KIF7: variants seen among roughly 807,000 people sequenced by gnomAD.
KIF7 encodes the protein kinesin-like protein KIF7.
In KIF7, 104 loss-of-function variants were observed where a neutral mutation model predicts 135.7. That is an observed-to-expected ratio of 0.77 (90% CI 0.65 to 0.90). The LOEUF (loss-of-function observed/expected upper bound fraction) is 0.90, where lower values mean the gene tolerates loss of function less well. KIF7 is among the 40% of genes least tolerant of loss of function. The pLI is 0.00. For missense variants in KIF7, 2,005 were observed against 1,839.1 expected, an observed-to-expected ratio of 1.09 and a Z score of -1.65; for synonymous variants, 883 against 809.4, an observed-to-expected ratio of 1.09 and a Z score of -1.54.
At chr15:89,631,066 T>C (rs916635671) in intron 15 of KIF7, 20 of 229,826 alleles carry the variant, frequency 8.7e-5, no homozygotes, top group African/African-American at 4.3e-4. Context: ...AGCACCATTG[T>C]TGTATGAGCT....
At chr15:89,645,248 T>C in intron 9 of KIF7, 83 bp from the exon 10 acceptor site, 1 of 1,599,328 alleles carries the variant, frequency 6.3e-7, no homozygotes, top group Admixed American at 1.7e-5. Context: ...CTGCCAGGGA[T>C]GGTGGGTGGG....
rs1351864265 is a variant in KIF7 at position 89,645,971 on chromosome 15, A to G, written c.1844T>C (p.Leu615Pro). 1 of 1,613,772 alleles carries G rather than the reference A, an allele frequency of 6.2e-7. No homozygotes were observed. ...GAELLTEVNRLGSGSSAASEE... is the reference protein window; with the variant it reads ...GAELLTEVNRPGSGSSAASEE... ...TGAAGCAGCTGAAGAGCCACTTCCC[A>G]GCCTGTTCACCTCAGTCAGCAACTC... The change falls in exon 8 of 19, where the codon CTG becomes CCG. Residue 615 changes from leucine (L) to proline (P), a missense_variant. By Grantham distance (98) the Leu-to-Pro change is moderately conservative. Coordinates refer to ENST00000394412, the MANE Select transcript of KIF7 (RefSeq NM_198525.3).
At chr15:89,647,987 C>T (rs1964046398) in intron 5 of KIF7, among the ~76,000 whole-genome samples, 1 of 152,160 alleles carries the variant, frequency 6.6e-6, no homozygotes, top group African/African-American at 2.4e-5. Flanking sequence ...CACCGGCATG[C>T]TAGGCACATG....
rs1338323512 is a variant in KIF7 at position 89,648,639 on chromosome 15, G to T, written c.1059C>A (p.Ala353=). The T allele has an allele frequency of 1.3e-6, 2 of 1,535,610 alleles. No individual in the cohort carries two copies. The highest frequency in any genetic ancestry group is 8.7e-7 in the Non-Finnish European group (1 of 1,146,182). The part of the protein sequence containing the change: ...ASRAQNIRNR[A]TVNWRPEAER... ...CGGCCTCGGGCCGCCAGTTGACCGT[G>T]GCGCGGTTGCGGATGTTCTGGGCGC... is the stretch of plus-strand genomic sequence containing the variant. Residue 353 remains alanine (A), a synonymous_variant, in exon 5 of 19, where the codon GCC becomes GCA. Coordinates refer to ENST00000394412, the MANE Select transcript of KIF7 (RefSeq NM_198525.3).
chr15:89,638,401 A>G, intron 11 of KIF7, among the ~76,000 whole-genome samples: 1 of 148,920 alleles, frequency 6.7e-6, no homozygotes, highest in Non-Finnish European at 1.5e-5. Flanking sequence ...AGAAAACCCC[A>G]TTGTCTCAGC....
chr15:89,639,293 G>T (rs1436309857), intron 11 of KIF7, among the ~76,000 whole-genome samples: 8 of 151,864 alleles, frequency 5.3e-5, no homozygotes. Context: ...CGACAAATGG[G>T]ATCTAATTAA....
intron 1 of KIF7, among the ~76,000 whole-genome samples, chr15:89,622,547 T>C (rs1006550703): frequency 3.3e-5 from 5 of 152,196 alleles, no homozygotes; most frequent in Non-Finnish European, 5.9e-5. Flanking sequence ...ATAATCACCT[T>C]TGTTTGGAAA....
At chr15:89,659,122 C>T (rs1020196756), upstream of KIF7, among the ~76,000 whole-genome samples, 1 of 151,738 alleles carries the variant, frequency 6.6e-6, no homozygotes, top group Non-Finnish European at 1.5e-5. Flanking sequence ...AAAGGATGAA[C>T]AAAGAAACCA....
At chr15:89,657,739 T>A (rs776000628), upstream of KIF7, among the ~76,000 whole-genome samples, 2 of 152,294 alleles carry the variant, frequency 1.3e-5, no homozygotes, top group Non-Finnish European at 2.9e-5. Context: ...ACTTGTGACA[T>A]CATGAGCTTC....
intron 1 of KIF7, among the ~76,000 whole-genome samples, chr15:89,620,944 G>C (rs559394403): frequency 1.3e-5 from 2 of 151,292 alleles, no homozygotes; most frequent in African/African-American, 4.9e-5. Flanking sequence ...GGATAGTCTC[G>C]ATCTCCGACT....
intron 10 of KIF7, 129 bp from the exon 11 acceptor site, chr15:89,642,534 T>C: frequency 1.6e-6 from 1 of 625,744 alleles, no homozygotes; most frequent in East Asian, 2.8e-5. Flanking sequence ...GCACCACCAG[T>C]ACCACAGTTT....
chr15:89,650,006 G>A (rs763131890), intron 2 of KIF7, 65 bp from the exon 3 acceptor site: 24 of 1,475,376 alleles, frequency 1.6e-5, no homozygotes. Flanking sequence ...CCCAGGCCCG[G>A]AAGCTCATAG....
Position 89,630,343 on chromosome 15 carries a change from G to A in KIF7, c.3262C>T (p.Leu1088Phe), listed in dbSNP as rs765207161. The change falls in exon 16 of 19, where the codon CTC becomes TTC. Residue 1088 changes from leucine (L) to phenylalanine (F), a missense_variant. Physicochemically the swap from Leu to Phe is conservative, Grantham distance 22. Transcript: ENST00000394412. Reference sequence around the variant, plus strand: ...GTCTCTGAGGATGAGAGGTAGCTGAGCTTGGCCATGAGGTTCATCTCGCAC... The same window carrying A: ...GTCTCTGAGGATGAGAGGTAGCTGAACTTGGCCATGAGGTTCATCTCGCAC... The part of the protein sequence containing the change: ...SQCEMNLMAK[L>F]SYLSSSETRA... 1 of 1,614,188 alleles carries A rather than the reference G, an allele frequency of 6.2e-7. No individual in the cohort carries two copies. The highest frequency in any genetic ancestry group is 8.5e-7 in the Non-Finnish European group (1 of 1,180,034).
Position 89,648,264 on chromosome 15 carries a change from G to A in KIF7, c.1434C>T (p.Gly478=). The change falls in exon 5 of 19, where the codon GGC becomes GGT. Residue 478 remains glycine (G), a synonymous_variant. Coordinates refer to ENST00000394412, the MANE Select transcript of KIF7 (RefSeq NM_198525.3). The part of the protein sequence containing the change: ...SVEDQAAQGA[G]GRKEDEGAQQ... ...CCTGTCCCTCGGCCACCTTTCGCCC[G>A]CCGGCCCCCTGCGCCGCCTGGTCCT... 1 of 1,516,196 alleles carries A rather than the reference G, an allele frequency of 6.6e-7. No individual in the cohort carries two copies. Among genetic ancestry groups the A allele is most frequent in the Non-Finnish European group, 8.8e-7 (1 of 1,134,906 alleles). 93.9% of individuals were successfully genotyped at this position (1,516,196 alleles called of 1,614,324 possible). A position where few individuals can be genotyped will look rare whatever the true frequency, so the allele number is the denominator to read the frequency against.
chr15:89,644,962 C>G lies in KIF7; in HGVS notation c.2191+51G>C, dbSNP rs377474682. 456 of 1,600,796 alleles carry G rather than the reference C, an allele frequency of 2.8e-4. No individual in the cohort carries two copies. In the African/African-American group the frequency reaches 5.5e-3, roughly 19 times the overall value. On this transcript the variant is annotated intron_variant, in intron 10 of 18. Coordinates refer to ENST00000394412, the MANE Select transcript of KIF7 (RefSeq NM_198525.3). ...TCCCTCTAGAACAGTGCAGAAGTAA[C>G]GATGAGAAGTCCCCCTCGGGTGAGA...
chr15:89,618,846 C>G (rs897420482), intron 1 of KIF7, among the ~76,000 whole-genome samples: 1 of 152,202 alleles, frequency 6.6e-6, no homozygotes. Context: ...ATGGTCCCAG[C>G]TACTCGGGAG....
the KIF7 span, among the ~76,000 whole-genome samples, chr15:89,662,546 T>G: frequency 6.6e-6 from 1 of 152,146 alleles, no homozygotes; most frequent in Non-Finnish European, 1.5e-5. Context: ...TGGATAAATG[T>G]ATGTTATTGT....
At chr15:89,660,858 T>C in the KIF7 span, among the ~76,000 whole-genome samples, 1 of 152,168 alleles carries the variant, frequency 6.6e-6, no homozygotes, top group South Asian at 2.1e-4. Context: ...TGTGCTCCAG[T>C]GATCTGTTGT....
rs1567057784 is a variant in KIF7 at position 89,630,285 on chromosome 15, A to G, written c.3318+2T>C. The G allele has an allele frequency of 7.4e-6, 12 of 1,613,880 alleles. No individual in the cohort carries two copies. Among genetic ancestry groups the G allele is most frequent in the Non-Finnish European group, 8.5e-6 (10 of 1,179,928 alleles). On this transcript the variant is annotated splice_donor_variant, in intron 16 of 18. Coordinates refer to ENST00000394412, the MANE Select transcript of KIF7 (RefSeq NM_198525.3). LOFTEE classifies it high-confidence loss of function. ...CTGGGGGGCCATGGGCTGCTGGCCC[A>G]CCTTGTCAAAATACTTGCAGAGGAG...
Sources: gnomAD v4.1 joint callset for allele counts (sites outside exome capture counted in the v4.1 genomes callset) on GRCh38, gnomAD v4.1.1 for gene constraint, MANE v1.5 for transcripts, NCBI Gene and HGNC (gene_info 2026-07-23, HGNC 2026-07-21) for gene names.